The following CHRDL1 variants were observed in gnomAD, a reference collection of about 807,000 sequenced individuals.
CHRDL1 encodes the protein chordin-like protein 1.
Under a neutral mutation model 40.9 loss-of-function variants are expected in CHRDL1, and 19 were observed. The ratio of observed to expected loss-of-function variants is 0.46; its 90% CI spans 0.32 to 0.68. The LOEUF is 0.68. Ranked by LOEUF, CHRDL1 falls within the 30% of genes least tolerant of loss-of-function variation. CHRDL1 has a pLI of 0.03. For missense variants in CHRDL1, 329 were observed against 352.1 expected (o/e 0.93, Z 0.53); for synonymous variants, 136 against 123.4 (o/e 1.10, Z -0.68).
chrX:110,769,878 C>T (rs777149888), intron 2 of CHRDL1, among the ~76,000 whole-genome samples: 2 of 111,775 alleles, frequency 1.8e-5, no homozygotes, highest in Admixed American at 9.5e-5. Flanking sequence ...CATAGCCAAA[C>T]GATACCAGAG....
chrX:110,764,195 G>A (rs751465633), intron 2 of CHRDL1, among the ~76,000 whole-genome samples: 5 of 111,924 alleles, frequency 4.5e-5, no homozygotes, highest in Non-Finnish European at 9.4e-5. Flanking sequence ...TGGGTTGTTT[G>A]TTTACTCTGT....
chrX:110,777,795 CTG>C (rs745859542), intron 2 of CHRDL1, among the ~76,000 whole-genome samples: 29 of 111,575 alleles, frequency 2.6e-4, no homozygotes, highest in Non-Finnish European at 4.9e-4. Flanking sequence ...TTTTCCCAGT[CTG>C]TGGCTTTTTA....
At chrX:110,727,760 T>G (rs1273202412) in intron 4 of CHRDL1, among the ~76,000 whole-genome samples, 1 of 112,374 alleles carries the variant, frequency 8.9e-6, no homozygotes, top group Admixed American at 9.5e-5. Context: ...GATTAAAACA[T>G]GATGAAGGGC....
rs1342208922 is a variant in CHRDL1 at position 110,719,932 on chromosome X, C to T, written c.448-4G>A. ...GACCACAATACACGTTTCCCTCCTGCCAAGGAGAAACAGAATTAAGATTAG... is the reference window on the plus strand; with the variant it reads ...GACCACAATACACGTTTCCCTCCTGTCAAGGAGAAACAGAATTAAGATTAG... On this transcript the variant is annotated splice_polypyrimidine_tract_variant and splice_region_variant and intron_variant, in intron 5 of 11. Coordinates refer to ENST00000372042, the MANE Select transcript of CHRDL1 (RefSeq NM_001143981.2). 3.5e-6 allele frequency: 4 copies of T among 1,135,609 alleles called. No individual in the cohort carries two copies. Among genetic ancestry groups the T allele is most frequent in the Non-Finnish European group, 4.8e-6 (4 of 827,773 alleles). 93.6% of individuals were successfully genotyped at this position (1,135,609 alleles called of 1,213,427 possible). A position where few individuals can be genotyped will look rare whatever the true frequency, so the allele number is the denominator to read the frequency against.
At chrX:110,734,936 A>G (rs1397685636) in intron 4 of CHRDL1, among the ~76,000 whole-genome samples, 1 of 112,057 alleles carries the variant, frequency 8.9e-6, no homozygotes, top group Non-Finnish European at 1.9e-5. Context: ...TTATGTGGTA[A>G]TGTTGTCACT....
At chrX:110,744,457 G>T (rs1423474494) in intron 4 of CHRDL1, among the ~76,000 whole-genome samples, 3 of 111,060 alleles carry the variant, frequency 2.7e-5, no homozygotes, top group Non-Finnish European at 5.7e-5. Flanking sequence ...CTAGTGCTGT[G>T]GTTCTTCTAT....
At chrX:110,793,019 G>A in intron 1 of CHRDL1, among the ~76,000 whole-genome samples, 1 of 112,251 alleles carries the variant, frequency 8.9e-6, no homozygotes, top group South Asian at 3.7e-4. Context: ...TAAACCTTTT[G>A]AACCTTGGAA....
intron 2 of CHRDL1, among the ~76,000 whole-genome samples, chrX:110,766,141 C>A (rs1205922024): frequency 9.0e-6 from 1 of 111,498 alleles, no homozygotes; most frequent in Non-Finnish European, 1.9e-5. Flanking sequence ...AAAAATTCTT[C>A]AAACTGAATG....
At chrX:110,765,915 G>A (rs1001499787) in intron 2 of CHRDL1, among the ~76,000 whole-genome samples, 4 of 111,356 alleles carry the variant, frequency 3.6e-5, no homozygotes, top group African/African-American at 1.3e-4. Context: ...ACAGAGCATG[G>A]AACTTTCTGC....
chrX:110,691,147 G>A (rs970939487), intron 8 of CHRDL1, among the ~76,000 whole-genome samples: 7 of 107,754 alleles, frequency 6.5e-5, no homozygotes, highest in Non-Finnish European at 9.6e-5. Context: ...CCGGGAAGTC[G>A]AGGCTGCAGT....
chrX:110,769,739 G>T (rs1263484514), intron 2 of CHRDL1, among the ~76,000 whole-genome samples: 3 of 111,704 alleles, frequency 2.7e-5, no homozygotes, highest in Non-Finnish European at 5.6e-5. Context: ...ATCAGATCTT[G>T]TAAGACTCAT....
intron 4 of CHRDL1, among the ~76,000 whole-genome samples, chrX:110,737,720 T>C (rs992277347): frequency 8.9e-6 from 1 of 112,027 alleles, no homozygotes; most frequent in East Asian, 2.8e-4. Context: ...GAGGTATAAA[T>C]GCAGGCAATC....
intron 1 of CHRDL1, among the ~76,000 whole-genome samples, chrX:110,792,618 A>C (rs1043067473): frequency 3.8e-5 from 4 of 105,882 alleles, no homozygotes; most frequent in African/African-American, 1.4e-4. Flanking sequence ...GAGACCAAGC[A>C]ATTTCTGAAA....
chrX:110,727,128 T>C (rs1325219334), intron 4 of CHRDL1, among the ~76,000 whole-genome samples: 1 of 112,018 alleles, frequency 8.9e-6, no homozygotes, highest in Non-Finnish European at 1.9e-5. Context: ...AATCACAAAT[T>C]GCCAATGTTA....
chrX:110,784,128 T>C (rs1377419034), intron 2 of CHRDL1, among the ~76,000 whole-genome samples: 1 of 111,909 alleles, frequency 8.9e-6, no homozygotes, highest in Admixed American at 9.5e-5. Flanking sequence ...TAAGTACGTC[T>C]CTTCTGTCAT....
chrX:110,710,909 C>T (rs772496898), intron 6 of CHRDL1, among the ~76,000 whole-genome samples: 2 of 111,403 alleles, frequency 1.8e-5, no homozygotes, highest in South Asian at 7.6e-4. Context: ...AATACACAGT[C>T]GTCCCTCAGT....
intron 4 of CHRDL1, among the ~76,000 whole-genome samples, chrX:110,731,203 A>G (rs763093104): frequency 1.8e-3 from 198 of 111,511 alleles, no homozygotes; most frequent in African/African-American, 6.2e-3. Flanking sequence ...TAATATCTTC[A>G]CAGTGATGAA....
intron 4 of CHRDL1, among the ~76,000 whole-genome samples, chrX:110,756,888 T>G (rs1452011141): frequency 1.8e-5 from 2 of 111,837 alleles, no homozygotes; most frequent in Non-Finnish European, 3.8e-5. Context: ...TTAAATACTT[T>G]AAAGAAGTAA....
intron 9 of CHRDL1, among the ~76,000 whole-genome samples, chrX:110,682,891 G>C (rs1270580596): frequency 1.8e-5 from 2 of 111,471 alleles, no homozygotes; most frequent in Non-Finnish European, 3.8e-5. Flanking sequence ...TTACTTGGTG[G>C]GCCAGTCTTT....
Sources: allele counts gnomAD v4.1 joint callset (sites outside exome capture counted in the v4.1 genomes callset), GRCh38; gene constraint gnomAD v4.1.1; transcripts MANE v1.5; gene names NCBI Gene and HGNC (gene_info 2026-07-23, HGNC 2026-07-21).